RIGI: variants seen among roughly 807,000 people sequenced by gnomAD.
RIGI encodes RNA sensor RIG-I, also known as antiviral innate immune response receptor RIG-I.
the RIGI span, chr9:32,467,800 T>A: frequency 1.2e-6 from 2 of 1,605,500 alleles, no homozygotes; most frequent in South Asian, 2.2e-5. Flanking sequence ...GCCCACATAC[T>A]CATAAAGGAT....
the RIGI span, among the ~76,000 whole-genome samples, chr9:32,482,179 G>GTGTT: frequency 6.9e-6 from 1 of 145,964 alleles, no homozygotes; most frequent in African/African-American, 2.6e-5. Context: ...GTGCATCTGT[G>GTGTT]TGTTTGTTTG....
chr9:32,520,696 T>A, the RIGI span, among the ~76,000 whole-genome samples: 1 of 152,186 alleles, frequency 6.6e-6, no homozygotes, highest in Non-Finnish European at 1.5e-5. Context: ...AACATTAACA[T>A]CAAAAGCACA....
chr9:32,464,538 C>T, the RIGI span, among the ~76,000 whole-genome samples: 2 of 152,058 alleles, frequency 1.3e-5, no homozygotes, highest in African/African-American at 2.4e-5. Flanking sequence ...TACAGGTGCC[C>T]GTCACCGCGC....
chr9:32,489,392 C>T, the RIGI span: 4 of 1,613,352 alleles, frequency 2.5e-6, no homozygotes, highest in Admixed American at 1.7e-5. Context: ...GCAGGCAAAG[C>T]AAGCTCTAAT....
At chr9:32,460,422 G>A in the RIGI span, among the ~76,000 whole-genome samples, 6 of 151,636 alleles carry the variant, frequency 4.0e-5, no homozygotes, top group Non-Finnish European at 8.8e-5. Flanking sequence ...GTCCAACTTA[G>A]AACCATGGAC....
At chr9:32,464,491 G>A in the RIGI span, among the ~76,000 whole-genome samples, 1 of 152,212 alleles carries the variant, frequency 6.6e-6, no homozygotes, top group Non-Finnish European at 1.5e-5. Context: ...CCGGGTTCAC[G>A]CCATTCTCCT....
At chr9:32,514,827 C>T in the RIGI span, among the ~76,000 whole-genome samples, 2 of 152,158 alleles carry the variant, frequency 1.3e-5, no homozygotes, top group African/African-American at 2.4e-5. Flanking sequence ...CACGACCAAT[C>T]CTTGCATTAC....
the RIGI span, among the ~76,000 whole-genome samples, chr9:32,521,423 G>A: frequency 1.5e-4 from 23 of 152,028 alleles, no homozygotes; most frequent in African/African-American, 3.9e-4. Context: ...AAACTGAGTC[G>A]CCTATCAAAG....
At chr9:32,505,068 ATT>A in the RIGI span, among the ~76,000 whole-genome samples, 1 of 144,468 alleles carries the variant, frequency 6.9e-6, no homozygotes, top group East Asian at 2.0e-4. Flanking sequence ...TACATTATAT[ATT>A]TTATATATTA....
chr9:32,477,223 C>T, the RIGI span: 3 of 1,468,002 alleles, frequency 2.0e-6, no homozygotes, highest in Non-Finnish European at 2.7e-6. Flanking sequence ...CAGCTGATCT[C>T]TAAATCTTTG....
At chr9:32,514,638 TG>T in the RIGI span, among the ~76,000 whole-genome samples, 1 of 152,158 alleles carries the variant, frequency 6.6e-6, no homozygotes, top group African/African-American at 2.4e-5. Context: ...GATGGTTTGA[TG>T]GGTGCAGCAA....
At chr9:32,485,071 T>C in the RIGI span, 95 of 758,364 alleles carry the variant, frequency 1.3e-4, no homozygotes, top group Non-Finnish European at 1.8e-4. Context: ...CCTCTGGATA[T>C]GGTCTTGACA....
chr9:32,455,912 C>T, the RIGI span: 34 of 152,172 alleles, frequency 2.2e-4, no homozygotes, highest in African/African-American at 5.3e-4. Flanking sequence ...TCTGGCTCCC[C>T]GCCTGCACCA....
chr9:32,498,982 CA>C, the RIGI span, among the ~76,000 whole-genome samples: 12,476 of 97,512 alleles, frequency 0.13, 250 homozygotes, highest in Middle Eastern at 0.24. Context: ...GACTCTGTCT[CA>C]AAAAAAAAAA....
chr9:32,516,181 C>T, the RIGI span, among the ~76,000 whole-genome samples: 1 of 152,166 alleles, frequency 6.6e-6, no homozygotes, highest in Non-Finnish European at 1.5e-5. Flanking sequence ...AGGCCAGGCC[C>T]CTCATTCATC....
the RIGI span, among the ~76,000 whole-genome samples, chr9:32,499,330 T>TG: frequency 6.7e-6 from 1 of 150,236 alleles, no homozygotes; most frequent in Non-Finnish European, 1.5e-5. Context: ...TTTTTTTTTT[T>TG]TTTTTTTGCT....
the RIGI span, chr9:32,472,969 A>T: frequency 6.2e-7 from 1 of 1,601,356 alleles, no homozygotes; most frequent in East Asian, 2.2e-5. Flanking sequence ...CACTATATAT[A>T]AATACCTGTG....
At chr9:32,500,658 C>T in the RIGI span, 9 of 888,348 alleles carry the variant, frequency 1.0e-5, no homozygotes, top group Non-Finnish European at 1.5e-5. Context: ...ATTATATCAT[C>T]TGCCTAAAAA....
the RIGI span, chr9:32,455,935 T>C: frequency 1.3e-5 from 2 of 152,194 alleles, no homozygotes; most frequent in East Asian, 1.9e-4. Context: ...GCTCACCAGA[T>C]TGCATGAAGA....
Sources: allele counts gnomAD v4.1 joint callset (sites outside exome capture counted in the v4.1 genomes callset), GRCh38; gene constraint gnomAD v4.1.1; transcripts MANE v1.5; gene names NCBI Gene and HGNC (gene_info 2026-07-23, HGNC 2026-07-21).